The following ACOXL variants were observed in gnomAD, a reference collection of about 807,000 sequenced individuals.
ACOXL encodes acyl-CoA oxidase like.
In ACOXL, 70 loss-of-function variants were observed where a neutral mutation model predicts 71.9. The ratio of observed to expected loss-of-function variants is 0.97; its 90% CI spans 0.80 to 1.19. The LOEUF (loss-of-function observed/expected upper bound fraction) is 1.19, where lower values mean the gene tolerates loss of function less well. ACOXL is among the 50% of genes most tolerant of loss of function. The probability of loss-of-function intolerance (pLI) is 0.00; values close to 1 mark genes in which losing one functional copy is unlikely to be tolerated. For synonymous variants in ACOXL, 253 were observed against 281.6 expected, an observed-to-expected ratio of 0.90 and a Z score of 1.02; for missense variants, 703 against 736.3, an observed-to-expected ratio of 0.95 and a Z score of 0.52.
chr2:111,115,878 G>A (rs185741593), intron 17 of ACOXL, among the ~76,000 whole-genome samples: 19 of 152,278 alleles, frequency 1.2e-4, no homozygotes, highest in African/African-American at 4.6e-4. Context: ...CAGCCATTGG[G>A]TTCCTTTTCA....
Position 110,953,873 on chromosome 2 carries a change from C to T in ACOXL, c.1059+20231C>T, listed in dbSNP as rs115113996. ...CACACACTTTTAAATGATCAGATCTCGTGAGAACTCACGCATTATCATGAG... is the reference window on the plus strand; with the variant it reads ...CACACACTTTTAAATGATCAGATCTTGTGAGAACTCACGCATTATCATGAG... On this transcript the variant is annotated intron_variant, in intron 12 of 17. Transcript: ENST00000439055. Among the ~76,000 whole-genome samples the T allele has an allele frequency of 3.7e-3, 565 of 152,250 alleles. 2 individuals carry two copies. The highest frequency in any genetic ancestry group is 6.9e-3 in the Non-Finnish European group (470 of 68,024).
chr2:110,945,599 A>G (rs1395464482), intron 12 of ACOXL, among the ~76,000 whole-genome samples: 1 of 152,202 alleles, frequency 6.6e-6, no homozygotes, highest in African/African-American at 2.4e-5. Flanking sequence ...TCGAATAGAC[A>G]GTCTTTTCCT....
intron 10 of ACOXL, among the ~76,000 whole-genome samples, chr2:110,871,530 G>A (rs756798530): frequency 9.2e-5 from 14 of 152,072 alleles, no homozygotes; most frequent in African/African-American, 3.4e-4. Flanking sequence ...CATCCTTGCC[G>A]TAATCTTACT....
chr2:111,028,782 A>T (rs1193090026), intron 14 of ACOXL, among the ~76,000 whole-genome samples: 1 of 152,198 alleles, frequency 6.6e-6, no homozygotes, highest in Non-Finnish European at 1.5e-5. Flanking sequence ...TTTATCAGGA[A>T]ATAGTCATAT....
chr2:110,802,939 T>C (rs961592527), intron 8 of ACOXL, among the ~76,000 whole-genome samples: 10 of 152,206 alleles, frequency 6.6e-5, no homozygotes, highest in Admixed American at 6.5e-4. Context: ...ATTACCCTGA[T>C]TTTATTATTA....
chr2:111,105,230 T>C (rs930660924), intron 17 of ACOXL, among the ~76,000 whole-genome samples: 1 of 152,182 alleles, frequency 6.6e-6, no homozygotes, highest in African/African-American at 2.4e-5. Flanking sequence ...ATGGTCTTAA[T>C]TAATATAGTT....
chr2:110,999,340 CTT>C (rs1482363569), intron 14 of ACOXL, among the ~76,000 whole-genome samples: 1 of 152,176 alleles, frequency 6.6e-6, no homozygotes, highest in East Asian at 1.9e-4. Context: ...ACTCCCATCT[CTT>C]AAATATGGTC....
chr2:110,777,263 CCCAA>C, intron 2 of ACOXL, among the ~76,000 whole-genome samples: 1 of 151,988 alleles, frequency 6.6e-6, no homozygotes, highest in Non-Finnish European at 1.5e-5. Flanking sequence ...GAAGGGGAGG[CCCAA>C]GGGTGGAGCC....
At chr2:111,053,182 G>A (rs1344483452) in intron 16 of ACOXL, among the ~76,000 whole-genome samples, 1 of 152,134 alleles carries the variant, frequency 6.6e-6, no homozygotes, top group African/African-American at 2.4e-5. Context: ...TATCGACAAG[G>A]CTGCAATTCT....
At chr2:110,735,048 A>G (rs1162349519) in intron 1 of ACOXL, among the ~76,000 whole-genome samples, 3 of 152,174 alleles carry the variant, frequency 2.0e-5, no homozygotes, top group African/African-American at 7.2e-5. Flanking sequence ...AAATCCCATT[A>G]CCCTGACAAA....
chr2:111,041,326 A>G (rs1214754204), intron 15 of ACOXL, among the ~76,000 whole-genome samples: 3 of 152,172 alleles, frequency 2.0e-5, no homozygotes, highest in Non-Finnish European at 4.4e-5. Context: ...GCATGAGGCA[A>G]TTGCAGCTGT....
intron 11 of ACOXL, among the ~76,000 whole-genome samples, chr2:110,922,174 C>T (rs1490372119): frequency 6.6e-6 from 1 of 152,108 alleles, no homozygotes; most frequent in Non-Finnish European, 1.5e-5. Context: ...TTTCTTCTTT[C>T]AGTTTTATCC....
At chr2:110,881,318 G>A (rs1034840323) in intron 10 of ACOXL, among the ~76,000 whole-genome samples, 2 of 151,918 alleles carry the variant, frequency 1.3e-5, no homozygotes, top group African/African-American at 4.8e-5. Context: ...AGATTCACTT[G>A]TGAAATTATT....
chr2:110,745,778 T>C (rs533281096), intron 1 of ACOXL, among the ~76,000 whole-genome samples: 1 of 152,316 alleles, frequency 6.6e-6, no homozygotes, highest in African/African-American at 2.4e-5. Context: ...TCAATACCCA[T>C]TCCTCACTGC....
At chr2:110,862,711 C>G (rs892199622) in intron 10 of ACOXL, among the ~76,000 whole-genome samples, 2 of 152,188 alleles carry the variant, frequency 1.3e-5, no homozygotes, top group African/African-American at 4.8e-5. Flanking sequence ...GGCGAATCAC[C>G]CCCTGGACAC....
intron 14 of ACOXL, among the ~76,000 whole-genome samples, chr2:111,030,099 A>C (rs1444000715): frequency 1.3e-5 from 2 of 151,930 alleles, no homozygotes; most frequent in Non-Finnish European, 2.9e-5. Context: ...ACACATGTGC[A>C]CAGTGTTTTA....
chr2:110,910,043 T>C (rs1315805999), intron 11 of ACOXL, among the ~76,000 whole-genome samples: 2 of 152,152 alleles, frequency 1.3e-5, no homozygotes, highest in Non-Finnish European at 2.9e-5. Context: ...TGGAGTGAGT[T>C]TTGACGCACA....
At chr2:110,880,235 CAT>C (rs1028907956) in intron 10 of ACOXL, among the ~76,000 whole-genome samples, 3 of 151,004 alleles carry the variant, frequency 2.0e-5, no homozygotes, top group African/African-American at 7.3e-5. Context: ...CAGACATAGA[CAT>C]AGAGTGAAGA....
At chr2:110,887,056 G>C in intron 10 of ACOXL, 1 of 533,430 alleles carries the variant, frequency 1.9e-6, no homozygotes, top group Non-Finnish European at 3.2e-6. Flanking sequence ...CGGGTCTGCT[G>C]TGTATGTCTC....
Sources: allele counts gnomAD v4.1 joint callset (sites outside exome capture counted in the v4.1 genomes callset), GRCh38; gene constraint gnomAD v4.1.1; transcripts MANE v1.5; gene names NCBI Gene and HGNC (gene_info 2026-07-23, HGNC 2026-07-21).